CDYL2: variants seen among roughly 807,000 people sequenced by gnomAD.
CDYL2 encodes chromodomain Y-like protein 2.
In CDYL2, 23 loss-of-function variants were observed where a neutral mutation model predicts 49.4. The ratio of observed to expected loss-of-function variants is 0.47; its 90% CI spans 0.34 to 0.66. The LOEUF is 0.66. Among genes scored for constraint, CDYL2 ranks in the 30% least tolerant of loss-of-function variants. CDYL2 has a pLI of 0.01. For synonymous variants in CDYL2, 360 were observed against 268.8 expected, an observed-to-expected ratio of 1.34 and a Z score of -3.32; for missense variants, 678 against 656.4, an observed-to-expected ratio of 1.03 and a Z score of -0.36.
At chr16:80,604,679 C>T in intron 6 of CDYL2, 133 bp from the exon 7 acceptor site, 1 of 840,914 alleles carries the variant, frequency 1.2e-6, no homozygotes, top group Non-Finnish European at 1.9e-6. Context: ...CAGCCTGGGC[C>T]TTCCCAGTCC....
chr16:80,797,643 A>C (rs891785988), intron 1 of CDYL2, among the ~76,000 whole-genome samples: 13 of 152,142 alleles, frequency 8.5e-5, no homozygotes, highest in Non-Finnish European at 1.9e-4. Context: ...CTAACTCCAA[A>C]GTTTATTTCA....
intron 1 of CDYL2, among the ~76,000 whole-genome samples, chr16:80,742,753 G>C (rs1255536089): frequency 2.0e-5 from 3 of 151,288 alleles, no homozygotes; most frequent in African/African-American, 7.3e-5. Flanking sequence ...TGAGTGGGTG[G>C]ATGGATAGAT....
At chr16:80,761,915 A>G (rs1467844366) in intron 1 of CDYL2, among the ~76,000 whole-genome samples, 4 of 150,748 alleles carry the variant, frequency 2.7e-5, no homozygotes, top group Non-Finnish European at 5.9e-5. Flanking sequence ...CTGGCCAGGC[A>G]CGGTGGTGCA....
At chr16:80,712,195 A>ATG (rs1904638683) in intron 1 of CDYL2, among the ~76,000 whole-genome samples, 1 of 117,816 alleles carries the variant, frequency 8.5e-6, no homozygotes, top group Non-Finnish European at 2.0e-5. Context: ...GTGTGTGTAT[A>ATG]TATATATATA....
rs1205306966 is a variant in CDYL2 at position 80,713,514 on chromosome 16, T to C, written c.25-28385A>G. On this transcript the variant is annotated intron_variant, in intron 1 of 6. Coordinates refer to ENST00000570137, the MANE Select transcript of CDYL2 (RefSeq NM_152342.4). The stretch of plus-strand genomic sequence containing the variant: ...GAGCACCAAAGGTCCCTCTGAACCA[T>C]TGATGAGCTCTAATCAAAGATTCCT... 4.6e-5 allele frequency among the ~76,000 whole-genome samples: 7 copies of C among 152,172 alleles called. No individual in the cohort carries two copies. The East Asian group carries it at 1.2e-3, about 25-fold the overall frequency.
At chr16:80,614,813 G>A (rs900616405) in intron 4 of CDYL2, among the ~76,000 whole-genome samples, 7 of 148,862 alleles carry the variant, frequency 4.7e-5, no homozygotes, top group Non-Finnish European at 7.4e-5. Flanking sequence ...GTAGTGAGCC[G>A]AGATCGGGCC....
At chr16:80,784,592 GAT>G in intron 1 of CDYL2, among the ~76,000 whole-genome samples, 1 of 152,264 alleles carries the variant, frequency 6.6e-6, no homozygotes, top group Non-Finnish European at 1.5e-5. Context: ...AGGAAAAAAA[GAT>G]AGTGATGTTT....
intron 2 of CDYL2, among the ~76,000 whole-genome samples, chr16:80,642,330 C>A (rs1329880082): frequency 6.6e-6 from 1 of 152,126 alleles, no homozygotes; most frequent in Non-Finnish European, 1.5e-5. Context: ...GTAATCCCAG[C>A]TACTTGGGAG....
At chr16:80,644,766 G>C (rs1048850439) in intron 2 of CDYL2, among the ~76,000 whole-genome samples, 5 of 152,148 alleles carry the variant, frequency 3.3e-5, no homozygotes, top group Non-Finnish European at 4.4e-5. Flanking sequence ...AACCAAAACA[G>C]CATGGTACTG....
At chr16:80,790,102 T>G (rs1480310668) in intron 1 of CDYL2, among the ~76,000 whole-genome samples, 1 of 152,242 alleles carries the variant, frequency 6.6e-6, no homozygotes, top group East Asian at 1.9e-4. Context: ...ACAATTATTA[T>G]GAAGCATATT....
At chr16:80,709,561 GAC>G (rs10673992) in intron 1 of CDYL2, among the ~76,000 whole-genome samples, 4,055 of 143,608 alleles carry the variant, frequency 0.028, 96 homozygotes, top group African/African-American at 0.059. Flanking sequence ...GGAATAAACA[GAC>G]ACACACACAC....
intron 2 of CDYL2, among the ~76,000 whole-genome samples, chr16:80,651,398 A>C (rs545360795): frequency 1.3e-5 from 2 of 152,354 alleles, no homozygotes; most frequent in Admixed American, 6.5e-5. Context: ...GCAAAAGTAT[A>C]AAAAGGTAAA....
chr16:80,774,275 C>T (rs1179000728), intron 1 of CDYL2, among the ~76,000 whole-genome samples: 2 of 151,730 alleles, frequency 1.3e-5, no homozygotes, highest in Non-Finnish European at 1.5e-5. Context: ...AACTGGAGAA[C>T]ATTATGCTAA....
At chr16:80,614,262 C>T (rs1314312507) in intron 4 of CDYL2, among the ~76,000 whole-genome samples, 14 of 152,226 alleles carry the variant, frequency 9.2e-5, no homozygotes, top group African/African-American at 1.9e-4. Context: ...TTCCCGTCTC[C>T]GACTGCATGT....
intron 1 of CDYL2, among the ~76,000 whole-genome samples, chr16:80,696,823 A>G (rs1437714246): frequency 1.3e-5 from 2 of 152,092 alleles, no homozygotes; most frequent in Non-Finnish European, 2.9e-5. Flanking sequence ...ATTCTTCTCC[A>G]AGTCTTCCAA....
chr16:80,753,958 G>A (rs575322891), intron 1 of CDYL2, among the ~76,000 whole-genome samples: 15 of 152,330 alleles, frequency 9.8e-5, no homozygotes, highest in Non-Finnish European at 1.2e-4. Context: ...TTTGTGGGAA[G>A]AACAGATGCA....
At chr16:80,793,681 T>C (rs1444222905) in intron 1 of CDYL2, among the ~76,000 whole-genome samples, 2 of 152,228 alleles carry the variant, frequency 1.3e-5, no homozygotes, top group Non-Finnish European at 2.9e-5. Flanking sequence ...CAGAACACAG[T>C]GGAGCTCAGC....
intron 1 of CDYL2, among the ~76,000 whole-genome samples, chr16:80,714,627 C>T (rs1226170237): frequency 6.6e-6 from 1 of 152,102 alleles, no homozygotes; most frequent in Non-Finnish European, 1.5e-5. Flanking sequence ...TCAATAAAGC[C>T]AATGACCCTA....
Position 80,777,042 on chromosome 16 carries a change from G to C in CDYL2, c.24+27108C>G, listed in dbSNP as rs560167375. Among the ~76,000 whole-genome samples the C allele has an allele frequency of 2.0e-5, 3 of 151,830 alleles. No individual in the cohort carries two copies. The South Asian group carries it at 6.2e-4, about 32-fold the overall frequency. ...TTACCGTGTTGCCCAGGCTGGTCTC[G>C]ACCTCCTAAGCTCAGGCAATCCGTC... is the stretch of plus-strand genomic sequence containing the variant. On this transcript the variant is annotated intron_variant, in intron 1 of 6. Coordinates refer to ENST00000570137, the MANE Select transcript of CDYL2 (RefSeq NM_152342.4).
Sources: allele counts gnomAD v4.1 joint callset (sites outside exome capture counted in the v4.1 genomes callset), GRCh38; gene constraint gnomAD v4.1.1; transcripts MANE v1.5; gene names NCBI Gene and HGNC (gene_info 2026-07-23, HGNC 2026-07-21).